PSKH2: variants seen among roughly 807,000 people sequenced by gnomAD.
The protein encoded by PSKH2 is serine/threonine-protein kinase H2.
PSKH2 carries 16 observed loss-of-function variants against 22.5 expected under a neutral mutation model. The ratio of observed to expected loss-of-function variants is 0.71; its 90% CI spans 0.48 to 1.08. The LOEUF is 1.08. PSKH2 is among the 50% of genes least tolerant of loss of function. The probability of loss-of-function intolerance (pLI) is 0.00; values close to 1 mark genes in which losing one functional copy is unlikely to be tolerated. For synonymous variants in PSKH2, 188 were observed against 184.8 expected, an observed-to-expected ratio of 1.02 and a Z score of -0.14; for missense variants, 516 against 492.8, an observed-to-expected ratio of 1.05 and a Z score of -0.44.
At chr8:86,050,078 A>T (rs1817609520) in intron 2 of PSKH2, among the ~76,000 whole-genome samples, 1 of 152,252 alleles carries the variant, frequency 6.6e-6, no homozygotes, top group South Asian at 2.1e-4. Flanking sequence ...TCAGGGATTT[A>T]TAGTGGCAGT....
chr8:86,067,521 C>T (rs1431748098), intron 1 of PSKH2, among the ~76,000 whole-genome samples: 1 of 151,544 alleles, frequency 6.6e-6, no homozygotes, highest in East Asian at 1.9e-4. Context: ...ACTTTTACCC[C>T]TCCACTCTCT....
chr8:86,049,972 A>G (rs571618207), intron 2 of PSKH2, among the ~76,000 whole-genome samples: 4 of 152,300 alleles, frequency 2.6e-5, no homozygotes, highest in African/African-American at 7.2e-5. Flanking sequence ...TAGATTCAAC[A>G]TGTAACAAAT....
intron 2 of PSKH2, among the ~76,000 whole-genome samples, chr8:86,049,702 GAA>G (rs199901613): frequency 3.4e-4 from 13 of 38,686 alleles, no homozygotes; most frequent in East Asian, 1.6e-3. Context: ...AAGAAAGAAA[GAA>G]AGAAAGAAAG....
In PSKH2 at chr8:86,048,492, T is replaced by C. The variant is rs1359458764; in HGVS notation, c.1128A>G (p.Ile376Met). ...AAAGCGCAGACAGTGGCGATTCTAC[T>C]ATCCTTAAGTTTCTCTTGCTCCACA... ...RHMWSKRNLR[I>M]VESPLSALL Residue 376 changes from isoleucine (I) to methionine (M), a missense_variant, in exon 3 of 3, where the codon ATA (isoleucine) becomes ATG (methionine). Ile to Met is a conservative substitution (Grantham distance 10, BLOSUM62 1). Coordinates refer to ENST00000276616, the MANE Select transcript of PSKH2 (RefSeq NM_033126.3). The C allele has an allele frequency of 1.2e-6, 2 of 1,613,724 alleles. No homozygotes were observed. Among genetic ancestry groups the C allele is most frequent in the African/African-American group, 1.3e-5 (1 of 74,922 alleles).
At chr8:86,063,844 T>C (rs1817813013) in intron 2 of PSKH2, 121 bp downstream of exon 2, 2 of 740,942 alleles carry the variant, frequency 2.7e-6, no homozygotes, top group Non-Finnish European at 4.3e-6. Context: ...GTGATGCTGC[T>C]AAGCATCCTA....
chr8:86,055,235 T>C (rs572499064), intron 2 of PSKH2, among the ~76,000 whole-genome samples: 2 of 152,302 alleles, frequency 1.3e-5, no homozygotes, highest in East Asian at 1.9e-4. Flanking sequence ...ACTGATGATA[T>C]CAAGGTCAAG....
intron 2 of PSKH2, among the ~76,000 whole-genome samples, chr8:86,054,625 C>T (rs969862817): frequency 3.9e-5 from 6 of 152,116 alleles, no homozygotes; most frequent in African/African-American, 1.2e-4. Context: ...AAAAACGAAA[C>T]TGCAGAAAGA....
At chr8:86,069,717 G>A, upstream of PSKH2, 1 of 1,346,498 alleles carries the variant, frequency 7.4e-7, no homozygotes, top group Non-Finnish European at 9.7e-7. Flanking sequence ...TGCGAGGGGC[G>A]GGACCCTCGG....
intron 2 of PSKH2, among the ~76,000 whole-genome samples, chr8:86,053,562 T>G (rs1004791062): frequency 6.6e-6 from 1 of 152,214 alleles, no homozygotes; most frequent in African/African-American, 2.4e-5. Context: ...ATTAAAATTT[T>G]CATTCTCTTC....
At chr8:86,049,745 A>G (rs1027271585) in intron 2 of PSKH2, among the ~76,000 whole-genome samples, 1 of 26,762 alleles carries the variant, frequency 3.7e-5, no homozygotes, top group Non-Finnish European at 7.9e-5. Context: ...AAAGAAAGAA[A>G]GAAACGAAAG....
At chr8:86,051,988 A>T (rs967099374) in intron 2 of PSKH2, among the ~76,000 whole-genome samples, 1 of 152,184 alleles carries the variant, frequency 6.6e-6, no homozygotes, top group African/African-American at 2.4e-5. Flanking sequence ...AAAATGAACT[A>T]TTTTATTTTT....
intron 2 of PSKH2, among the ~76,000 whole-genome samples, chr8:86,054,256 G>A (rs1053240823): frequency 1.3e-5 from 2 of 152,008 alleles, no homozygotes; most frequent in African/African-American, 4.8e-5. Flanking sequence ...AAATAAATAA[G>A]CTATCATTCA....
intron 2 of PSKH2, among the ~76,000 whole-genome samples, chr8:86,059,852 G>C (rs898490263): frequency 9.9e-5 from 15 of 152,154 alleles, no homozygotes; most frequent in African/African-American, 3.6e-4. Flanking sequence ...GGCATATTTT[G>C]AGATGGCTCT....
intron 2 of PSKH2, among the ~76,000 whole-genome samples, chr8:86,062,377 C>T (rs185873542): frequency 6.6e-6 from 1 of 152,114 alleles, no homozygotes; most frequent in Admixed American, 6.6e-5. Flanking sequence ...TCTTACAAAT[C>T]GAATTATAAG....
At chr8:86,062,131 G>GTA (rs2130163742) in intron 2 of PSKH2, among the ~76,000 whole-genome samples, 1 of 152,226 alleles carries the variant, frequency 6.6e-6, no homozygotes, top group African/African-American at 2.4e-5. Flanking sequence ...TGATCATAGT[G>GTA]TATACACAGT....
chr8:86,056,545 G>C (rs1453494576), intron 2 of PSKH2, among the ~76,000 whole-genome samples: 1 of 152,054 alleles, frequency 6.6e-6, no homozygotes, highest in African/African-American at 2.4e-5. Context: ...TTTAAAAGGT[G>C]CACTTGATAA....
At chr8:86,066,815 A>G (rs1170503848) in intron 1 of PSKH2, among the ~76,000 whole-genome samples, 1 of 152,186 alleles carries the variant, frequency 6.6e-6, no homozygotes, top group Non-Finnish European at 1.5e-5. Context: ...TTACCTTATC[A>G]AAACAGATAG....
rs371926334 is a variant in PSKH2 at position 86,048,735 on chromosome 8, G to C, written c.885C>G (p.Asp295Glu). 5 of 1,611,490 alleles carry C rather than the reference G, an allele frequency of 3.1e-6. No homozygotes were observed. In the African/African-American group the frequency reaches 6.7e-5, roughly 22 times the overall value. ...PWPSISHLAK[D>E]FIDKLLILEA... ...CCAAAATCAGTAGTTTGTCTATAAAGTCCTTCGCCAAGTGGGAAATGCTTG... is the reference window on the plus strand; with the variant it reads ...CCAAAATCAGTAGTTTGTCTATAAACTCCTTCGCCAAGTGGGAAATGCTTG... The change falls in exon 3 of 3, where the codon GAC becomes GAG. Residue 295 changes from aspartate to glutamate, a missense_variant. By Grantham distance (45) the Asp-to-Glu change is conservative. Transcript: ENST00000276616.
intron 2 of PSKH2, among the ~76,000 whole-genome samples, chr8:86,052,988 T>C (rs1019975405): frequency 6.6e-6 from 1 of 152,216 alleles, no homozygotes; most frequent in Admixed American, 6.5e-5. Context: ...GGAATCGCAC[T>C]ACTTATTAGC....
Sources: gnomAD v4.1 joint callset for allele counts (sites outside exome capture counted in the v4.1 genomes callset) on GRCh38, gnomAD v4.1.1 for gene constraint, MANE v1.5 for transcripts, NCBI Gene and HGNC (gene_info 2026-07-23, HGNC 2026-07-21) for gene names.